The following NEBL variants were observed in gnomAD, a reference collection of about 807,000 sequenced individuals.
NEBL encodes the protein nebulette, also known as LIM and SH3 protein 2.
In NEBL, 122 loss-of-function variants were observed where a neutral mutation model predicts 140.2. That is an observed-to-expected ratio of 0.87 (90% CI 0.75 to 1.01). The LOEUF (loss-of-function observed/expected upper bound fraction) is 1.01, where lower values mean the gene tolerates loss of function less well. Among genes scored for constraint, NEBL ranks in the 50% least tolerant of loss-of-function variants. The pLI, the probability that NEBL is intolerant of heterozygous loss-of-function variation, is 0.00. For synonymous variants in NEBL, 436 were observed against 398.9 expected, an observed-to-expected ratio of 1.09 and a Z score of -1.11; for missense variants, 1,365 against 1,231.3, an observed-to-expected ratio of 1.11 and a Z score of -1.62.
At chr10:21,060,708 C>A (rs1254121929) in intron 2 of NEBL, among the ~76,000 whole-genome samples, 1 of 152,026 alleles carries the variant, frequency 6.6e-6, no homozygotes, top group African/African-American at 2.4e-5. Flanking sequence ...TTCTCTAACT[C>A]CTCTGTTTCC....
At chr10:21,198,461 C>A (rs538682218) in intron 3 of NEBL, among the ~76,000 whole-genome samples, 1 of 152,296 alleles carries the variant, frequency 6.6e-6, no homozygotes, top group South Asian at 2.1e-4. Context: ...AGTTTTGACA[C>A]CCTCCTTCCC....
intron 5 of NEBL, among the ~76,000 whole-genome samples, chr10:20,870,113 G>T (rs918390077): frequency 3.9e-5 from 6 of 151,982 alleles, no homozygotes; most frequent in Non-Finnish European, 8.8e-5. Context: ...GATCACTTGA[G>T]GTCAGGAGTT....
intron 3 of NEBL, among the ~76,000 whole-genome samples, chr10:21,180,426 T>C (rs760794952): frequency 6.6e-6 from 1 of 152,218 alleles, no homozygotes; most frequent in Non-Finnish European, 1.5e-5. Context: ...ACAAAGTGGG[T>C]AAAATTTCAA....
intron 3 of NEBL, among the ~76,000 whole-genome samples, chr10:21,240,381 C>T (rs1842423553): frequency 6.6e-6 from 1 of 152,158 alleles, no homozygotes; most frequent in Non-Finnish European, 1.5e-5. Flanking sequence ...CAGTGGCTCA[C>T]GCCTGTAATC....
In NEBL at chr10:21,173,292, A is replaced by G. The variant is rs1414936608; in HGVS notation, c.69+473T>C. ...TTAGCAATGCGGCAGCGGCCGCCCC[A>G]TGACATATTAATTACTATTTGCCTC... On this transcript the variant is annotated intron_variant, in intron 1 of 6. Coordinates refer to the NEBL transcript ENST00000417816. The surrounding 1 kb of genome is among the most constrained non-coding windows in gnomAD (Gnocchi z 5.7). Among the ~76,000 whole-genome samples, 1 of 151,248 alleles carries G rather than the reference A, an allele frequency of 6.6e-6. No homozygotes were observed. Among genetic ancestry groups the G allele is most frequent in the Non-Finnish European group, 1.5e-5 (1 of 67,774 alleles).
intron 3 of NEBL, among the ~76,000 whole-genome samples, chr10:20,999,934 C>T (rs1018703934): frequency 2.0e-5 from 3 of 151,898 alleles, no homozygotes; most frequent in Admixed American, 6.6e-5. Context: ...TGATGCAAAC[C>T]GTAATGACTA....
At chr10:20,840,027 C>T (rs1250748030) in intron 13 of NEBL, among the ~76,000 whole-genome samples, 1 of 152,118 alleles carries the variant, frequency 6.6e-6, no homozygotes, top group Non-Finnish European at 1.5e-5. Context: ...GTGAAGACAT[C>T]TCCTTTGATG....
chr10:21,276,015 G>A (rs71486490), intron 1 of NEBL, among the ~76,000 whole-genome samples: 2 of 144,706 alleles, frequency 1.4e-5, no homozygotes, highest in Non-Finnish European at 3.0e-5. Flanking sequence ...CTGTTGCCCA[G>A]ACTGAAGTGC....
chr10:21,039,936 C>T (rs1009659660), intron 2 of NEBL, among the ~76,000 whole-genome samples: 5 of 152,206 alleles, frequency 3.3e-5, no homozygotes, highest in South Asian at 4.2e-4. Flanking sequence ...TGCAGTAGAC[C>T]GTGACATGTG....
At chr10:21,070,495 C>T (rs569351540) in intron 2 of NEBL, among the ~76,000 whole-genome samples, 1 of 152,258 alleles carries the variant, frequency 6.6e-6, no homozygotes, top group African/African-American at 2.4e-5. Flanking sequence ...CCTACTTGGA[C>T]TAAATCATGC....
At chr10:21,024,997 A>G (rs1336374353) in intron 2 of NEBL, among the ~76,000 whole-genome samples, 2 of 152,182 alleles carry the variant, frequency 1.3e-5, no homozygotes, top group Non-Finnish European at 2.9e-5. Flanking sequence ...AGGTCTTCCT[A>G]AAAAATTGTC....
intron 1 of NEBL, 30 bp from the exon 2 acceptor site, chr10:20,897,059 G>T: frequency 6.2e-7 from 1 of 1,605,736 alleles, no homozygotes; most frequent in Non-Finnish European, 8.5e-7. Context: ...AGAACAGAAA[G>T]AACATTTTTC....
intron 2 of NEBL, chr10:21,126,276 C>T: frequency 1.5e-6 from 1 of 682,710 alleles, no homozygotes; most frequent in Non-Finnish European, 2.5e-6. Flanking sequence ...TTGTAAGCCT[C>T]ATTACAGCCT....
chr10:20,921,740 T>C (rs566960958), intron 4 of NEBL, among the ~76,000 whole-genome samples: 8 of 151,998 alleles, frequency 5.3e-5, no homozygotes, highest in South Asian at 2.1e-4. Context: ...ACACAACACA[T>C]GCACACACAT....
chr10:20,805,669 A>G (rs1436241955), intron 26 of NEBL, among the ~76,000 whole-genome samples: 1 of 152,098 alleles, frequency 6.6e-6, no homozygotes, highest in Non-Finnish European at 1.5e-5. Flanking sequence ...CCTGGCCAAC[A>G]CGGTGAAACC....
intron 4 of NEBL, among the ~76,000 whole-genome samples, chr10:20,932,811 T>G (rs539200154): frequency 3.9e-5 from 6 of 152,220 alleles, no homozygotes; most frequent in Non-Finnish European, 5.9e-5. Context: ...AGGACAAAAG[T>G]TGAAAACTGT....
chr10:21,240,203 A>G (rs570111654), intron 3 of NEBL, among the ~76,000 whole-genome samples: 1 of 152,178 alleles, frequency 6.6e-6, no homozygotes, highest in East Asian at 1.9e-4. Context: ...GGAACCTAAT[A>G]TATTCACAAA....
chr10:21,258,025 T>G (rs1842684304), intron 1 of NEBL, among the ~76,000 whole-genome samples: 1 of 152,222 alleles, frequency 6.6e-6, no homozygotes, highest in South Asian at 2.1e-4. Context: ...AGATAAGATC[T>G]TGTGTTGTAT....
At chr10:20,826,329 T>C in intron 18 of NEBL, 118 bp downstream of exon 18, 1 of 819,608 alleles carries the variant, frequency 1.2e-6, no homozygotes. Flanking sequence ...TGAAATAGCA[T>C]TTCAATAAAG....
Sources: gnomAD v4.1 joint callset for allele counts (sites outside exome capture counted in the v4.1 genomes callset) on GRCh38, gnomAD v4.1.1 for gene constraint, Gnocchi (gnomAD v3.1) non-coding constraint, MANE v1.5 for transcripts, NCBI Gene and HGNC (gene_info 2026-07-23, HGNC 2026-07-21) for gene names.